The following ITIH6 variants were observed in gnomAD, a reference collection of about 807,000 sequenced individuals.
The protein encoded by ITIH6 is inter-alpha-trypsin inhibitor heavy chain family member 6, also known as inter-alpha-trypsin inhibitor heavy chain H6.
Under a neutral mutation model 58.2 loss-of-function variants are expected in ITIH6, and 60 were observed. The observed-to-expected ratio is 1.03, with a 90% confidence interval of 0.84 to 1.28. The LOEUF is 1.28. ITIH6 is among the 50% of genes most tolerant of loss of function. The pLI is 0.00. For synonymous variants in ITIH6, 493 were observed against 417.4 expected, an observed-to-expected ratio of 1.18 and a Z score of -2.21; for missense variants, 1,290 against 1,021.1, an observed-to-expected ratio of 1.26 and a Z score of -3.59.
intron 6 of ITIH6, among the ~76,000 whole-genome samples, chrX:54,773,153 G>T: frequency 8.9e-6 from 1 of 112,049 alleles, no homozygotes; most frequent in South Asian, 3.8e-4. Context: ...GAGGAGCCCA[G>T]TTGATGTGGT....
chrX:54,777,771 G>T (rs1451044514), intron 5 of ITIH6, among the ~76,000 whole-genome samples: 1 of 112,692 alleles, frequency 8.9e-6, no homozygotes, highest in Non-Finnish European at 1.9e-5. Context: ...CCCTAAAGCA[G>T]ATGCAGCTTA....
At chrX:54,785,071 T>C (rs1023414485) in intron 5 of ITIH6, among the ~76,000 whole-genome samples, 1 of 111,361 alleles carries the variant, frequency 9.0e-6, no homozygotes. Flanking sequence ...GAGATCATTA[T>C]GTGACTTGAA....
Position 54,798,108 on chromosome X carries a change from C to T in ITIH6, c.102+1G>A. 1 of 1,166,164 alleles carries T rather than the reference C, an allele frequency of 8.6e-7. No homozygotes were observed. Among genetic ancestry groups the T allele is most frequent in the Non-Finnish European group, 1.2e-6 (1 of 865,344 alleles). Reference sequence around the variant, plus strand: ...CTTTTTTCCCTCATCCCAGAACTGACCTTTGTGCTTGATGAAGCGGGGACA... The same window carrying T: ...CTTTTTTCCCTCATCCCAGAACTGATCTTTGTGCTTGATGAAGCGGGGACA... On this transcript the variant is annotated splice_donor_variant, in intron 1 of 12. Transcript: ENST00000218436. LOFTEE classifies it high-confidence loss of function.
At chrX:54,763,516 A>G (rs1264409694) in intron 6 of ITIH6, among the ~76,000 whole-genome samples, 1 of 112,265 alleles carries the variant, frequency 8.9e-6, no homozygotes, top group Non-Finnish European at 1.9e-5. Flanking sequence ...TTGAGAGCAT[A>G]CTTGGTACAA....
intron 6 of ITIH6, among the ~76,000 whole-genome samples, chrX:54,764,800 G>A (rs1405022817): frequency 1.0e-5 from 1 of 95,630 alleles, no homozygotes; most frequent in Non-Finnish European, 2.1e-5. Context: ...GGGTCAAATG[G>A]TATTTCTAGT....
chrX:54,781,583 C>T (rs1247287159), intron 5 of ITIH6, among the ~76,000 whole-genome samples: 4 of 112,278 alleles, frequency 3.6e-5, no homozygotes, highest in Non-Finnish European at 5.6e-5. Flanking sequence ...CCAAAAACAA[C>T]AGATGAAGGC....
Position 54,758,648 on chromosome X carries a change from C to A in ITIH6, c.1426G>T (p.Asp476Tyr), listed in dbSNP as rs1028615038. 4 of 1,210,074 alleles carry A rather than the reference C, an allele frequency of 3.3e-6. No individual in the cohort carries two copies. Among genetic ancestry groups the A allele is most frequent in the Non-Finnish European group, 4.5e-6 (4 of 895,177 alleles). Residue 476 changes from aspartate (D) to tyrosine (Y), a missense_variant, in exon 8 of 13, where the codon GAT becomes TAT. By Grantham distance (160) the Asp-to-Tyr change is radical. Coordinates refer to ENST00000218436, the MANE Select transcript of ITIH6 (RefSeq NM_198510.3). Reference protein sequence around the residue: ...YEEISMPLLADVRLNYLGGLV... With the variant: ...YEEISMPLLAYVRLNYLGGLV... ...CCACCCAGGTAGTTCAGACGCACAT[C>A]TGCCAGCAGAGGCATGGAGATCTCC...
chrX:54,749,984 G>A lies in ITIH6; in HGVS notation c.3853C>T (p.Leu1285=), dbSNP rs1928319707. 1 of 1,211,692 alleles carries A rather than the reference G, an allele frequency of 8.3e-7. No individual in the cohort carries two copies. Among genetic ancestry groups the A allele is most frequent in the African/African-American group, 1.7e-5 (1 of 57,849 alleles). ...CAGCAGGAAGCCCAGCGGGGCAGCA[G>A]CCTTGGTGAGTCCTTCAGCAGCCTC... ...GKRLLKDSPR[L]LPRWASCWLV... Residue 1285 remains leucine (L), a synonymous_variant, in exon 13 of 13, where the codon CTG becomes TTG. Coordinates refer to ENST00000218436, the MANE Select transcript of ITIH6 (RefSeq NM_198510.3).
At chrX:54,755,181 G>C (rs1444403435) in intron 8 of ITIH6, 72 bp from the exon 9 acceptor site, 2 of 948,141 alleles carry the variant, frequency 2.1e-6, no homozygotes, top group African/African-American at 3.8e-5. Context: ...TTCTGACAAG[G>C]AGAGCCCTCA....
chrX:54,784,736 G>T (rs1314409323), intron 5 of ITIH6, among the ~76,000 whole-genome samples: 1 of 111,677 alleles, frequency 9.0e-6, no homozygotes, highest in African/African-American at 3.3e-5. Flanking sequence ...CCCATACACA[G>T]TTGGTGGGAA....
chrX:54,785,827 G>A (rs763713949), intron 5 of ITIH6, among the ~76,000 whole-genome samples: 2 of 111,407 alleles, frequency 1.8e-5, no homozygotes, highest in African/African-American at 3.3e-5. Context: ...GGCAGCTGAG[G>A]GTATCCATAG....
In ITIH6 at chrX:54,757,130, G is replaced by T; in HGVS notation, c.2944C>A (p.Pro982Thr). The T allele has an allele frequency of 2.5e-6, 3 of 1,211,769 alleles. No homozygotes were observed. The Middle Eastern group carries it at 6.9e-4, about 278-fold the overall frequency. ...GAAGGCAGCAAGATTGGCAGGTTTG[G>T]AGGGCTGCCTTCTGGTGTAGGCCTG... is the stretch of plus-strand genomic sequence containing the variant. ...SSRPTPEGSP[P>T]NLPILLPSSI... Residue 982 changes from proline to threonine, a missense_variant, in exon 8 of 13, where the codon CCA becomes ACA. Transcript: ENST00000218436.
chrX:54,756,157 G>A (rs1288113946), intron 8 of ITIH6, among the ~76,000 whole-genome samples: 1 of 111,257 alleles, frequency 9.0e-6, no homozygotes, highest in African/African-American at 3.3e-5. Context: ...TGTAGAGGAT[G>A]TCATACCCAA....
chrX:54,755,121 A>C lies in ITIH6; in HGVS notation c.3110-12T>G. On this transcript the variant is annotated splice_polypyrimidine_tract_variant and intron_variant, in intron 8 of 12. Coordinates refer to ENST00000218436, the MANE Select transcript of ITIH6 (RefSeq NM_198510.3). Reference sequence around the variant, plus strand: ...CCAGTTTGGACTTCCTGCCAAGCACAAAAGAAATAAGAAAACCCTTCAAAT... The same window carrying C: ...CCAGTTTGGACTTCCTGCCAAGCACCAAAGAAATAAGAAAACCCTTCAAAT... 5.9e-6 allele frequency: 7 copies of C among 1,184,838 alleles called. No homozygotes were observed. Among genetic ancestry groups the C allele is most frequent in the Non-Finnish European group, 8.0e-6 (7 of 872,157 alleles).
Position 54,760,866 on chromosome X carries a change from T to C in ITIH6, c.904-939A>G, listed in dbSNP as rs369205419. Among the ~76,000 whole-genome samples the C allele has an allele frequency of 3.5e-3, 387 of 111,946 alleles. 2 individuals are homozygous for C. Among genetic ancestry groups the C allele is most frequent in the African/African-American group, 0.012 (362 of 30,732 alleles). On this transcript the variant is annotated intron_variant, in intron 6 of 12. Transcript: ENST00000218436. ...TGGACATTTGGCTTGGTTCCAAGTC[T>C]TTGCTATTGTGAATAGTGCCACAAT... is the stretch of plus-strand genomic sequence containing the variant.
rs367711526 is a variant in ITIH6 at position 54,757,034 on chromosome X, C to T, written c.3040G>A (p.Val1014Met). Reference sequence around the variant, plus strand: ...AAGGACTCCACGAACTTGGATTCCACCATTGATTCAGACAGCAGCTCTAGC... The same window carrying T: ...AAGGACTCCACGAACTTGGATTCCATCATTGATTCAGACAGCAGCTCTAGC... ...EELELLSESM[V>M]ESKFVESLNP... Residue 1014 changes from valine (V) to methionine (M), a missense_variant, in exon 8 of 13, where the codon GTG (valine) becomes ATG (methionine). Val to Met is a conservative substitution (Grantham distance 21). Coordinates refer to ENST00000218436, the MANE Select transcript of ITIH6 (RefSeq NM_198510.3). 8.3e-7 allele frequency: 1 copy of T among 1,210,646 alleles called. No individual in the cohort carries two copies. Among genetic ancestry groups the T allele is most frequent in the Non-Finnish European group, 1.1e-6 (1 of 895,069 alleles).
chrX:54,770,608 G>C (rs1928930060), intron 6 of ITIH6, among the ~76,000 whole-genome samples: 1 of 112,344 alleles, frequency 8.9e-6, no homozygotes, highest in Non-Finnish European at 1.9e-5. Context: ...TTTATGCATA[G>C]TGCAAGTACC....
chrX:54,763,089 G>T lies in ITIH6; in HGVS notation c.904-3162C>A, dbSNP rs149715217. Among the ~76,000 whole-genome samples the T allele has an allele frequency of 7.2e-3, 808 of 112,098 alleles. 4 individuals carry two copies. The highest frequency in any genetic ancestry group is 0.023 in the African/African-American group (725 of 30,857). On this transcript the variant is annotated intron_variant, in intron 6 of 12. Transcript: ENST00000218436. Reference sequence around the variant, plus strand: ...ACACATTTGGGAGGTTTTAAATCCAGTGACCCTAAGCACAATATTATGCTT... The same window carrying T: ...ACACATTTGGGAGGTTTTAAATCCATTGACCCTAAGCACAATATTATGCTT...
chrX:54,792,008 C>G lies in ITIH6; in HGVS notation c.286G>C (p.Glu96Gln), dbSNP rs770811768. 3 of 1,207,042 alleles carry G rather than the reference C, an allele frequency of 2.5e-6. No homozygotes were observed. In the South Asian group the frequency reaches 5.3e-5, roughly 21 times the overall value. ...MTINNKVYIA[E>Q]VKEKHQAKKI... Reference sequence around the variant, plus strand: ...TTTGCCTGGTGCTTCTCTTTGACTTCTGCAATGTAGACTTTATTGTTGATG... The same window carrying G: ...TTTGCCTGGTGCTTCTCTTTGACTTGTGCAATGTAGACTTTATTGTTGATG... Residue 96 changes from glutamate (E) to glutamine (Q), a missense_variant, in exon 3 of 13, where the codon GAA becomes CAA. Coordinates refer to ENST00000218436, the MANE Select transcript of ITIH6 (RefSeq NM_198510.3).
Sources: allele counts gnomAD v4.1 joint callset (sites outside exome capture counted in the v4.1 genomes callset), GRCh38; gene constraint gnomAD v4.1.1; transcripts MANE v1.5; gene names NCBI Gene and HGNC (gene_info 2026-07-23, HGNC 2026-07-21).